CLSTN2: variants seen among roughly 807,000 people sequenced by gnomAD.
CLSTN2 encodes the protein calsyntenin 2, also known as calsyntenin-2.
In CLSTN2, 48 loss-of-function variants were observed where a neutral mutation model predicts 101.2. The observed-to-expected ratio is 0.47, with a 90% CI of 0.38 to 0.60. CLSTN2 has a LOEUF of 0.60. Among genes scored for constraint, CLSTN2 ranks in the 20% least tolerant of loss-of-function variants. CLSTN2 has a pLI of 0.00. For missense variants in CLSTN2, 1,160 were observed against 1,238.2 expected (o/e 0.94, Z 0.95); for synonymous variants, 481 against 463.6 (o/e 1.04, Z -0.48).
At chr3:140,525,196 G>A (rs77175669) in intron 8 of CLSTN2, among the ~76,000 whole-genome samples, 8,021 of 152,182 alleles carry the variant, frequency 0.053, 366 homozygotes, top group African/African-American at 0.12. Context: ...TTGATTGAGC[G>A]CTAGCTAGAT....
chr3:140,278,682 G>T (rs770117123), intron 2 of CLSTN2, among the ~76,000 whole-genome samples: 2 of 152,132 alleles, frequency 1.3e-5, no homozygotes, highest in African/African-American at 4.8e-5. Context: ...TGTGCAACTC[G>T]CACATCACAG....
intron 8 of CLSTN2, among the ~76,000 whole-genome samples, chr3:140,520,234 A>G (rs1482350357): frequency 6.6e-6 from 1 of 152,134 alleles, no homozygotes; most frequent in African/African-American, 2.4e-5. Flanking sequence ...TGCTGTTAAC[A>G]TTATTTTTCT....
intron 1 of CLSTN2, among the ~76,000 whole-genome samples, chr3:140,043,286 A>AT (rs1466550414): frequency 1.3e-5 from 2 of 151,974 alleles, no homozygotes; most frequent in Non-Finnish European, 2.9e-5. Flanking sequence ...GATGATGAGC[A>AT]TTTTTTCATG....
chr3:140,056,716 A>G (rs2008103973), intron 1 of CLSTN2, among the ~76,000 whole-genome samples: 1 of 152,234 alleles, frequency 6.6e-6, no homozygotes, highest in Non-Finnish European at 1.5e-5. Context: ...TGTGGACCTA[A>G]ACTCAACTAA....
intron 1 of CLSTN2, among the ~76,000 whole-genome samples, chr3:140,114,910 G>A (rs925594830): frequency 9.9e-5 from 15 of 152,018 alleles, no homozygotes; most frequent in African/African-American, 3.6e-4. Context: ...AGGAGCCATT[G>A]CTGGGACACT....
At chr3:140,298,276 GTTTA>G (rs1211087878) in intron 2 of CLSTN2, among the ~76,000 whole-genome samples, 1 of 151,998 alleles carries the variant, frequency 6.6e-6, no homozygotes, top group African/African-American at 2.4e-5. Flanking sequence ...GCCTAATATA[GTTTA>G]TTTATAAAAT....
intron 12 of CLSTN2, 55 bp from the exon 13 acceptor site, chr3:140,562,083 G>C: frequency 1.3e-6 from 2 of 1,524,212 alleles, no homozygotes; most frequent in Non-Finnish European, 1.8e-6. Flanking sequence ...ATTAGCAAGG[G>C]CTGTTTTCTG....
intron 8 of CLSTN2, among the ~76,000 whole-genome samples, chr3:140,521,048 ATTTTTTT>A (rs57840726): frequency 8.0e-6 from 1 of 125,492 alleles, no homozygotes; most frequent in African/African-American, 2.9e-5. Context: ...GCTTTTTTGC[ATTTTTTT>A]TTTTTTTTTT....
chr3:140,000,026 C>T (rs1053828951), intron 1 of CLSTN2, among the ~76,000 whole-genome samples: 8 of 145,460 alleles, frequency 5.5e-5, no homozygotes, highest in Non-Finnish European at 7.5e-5. Context: ...TCCCTCCCTC[C>T]GTCTTTTCCT....
chr3:140,512,584 C>T (rs1934836246), intron 8 of CLSTN2, among the ~76,000 whole-genome samples: 1 of 151,672 alleles, frequency 6.6e-6, no homozygotes, highest in Non-Finnish European at 1.5e-5. Flanking sequence ...CTTAGGATTA[C>T]CTTGGCTATT....
chr3:140,168,598 T>C (rs1281347554), intron 1 of CLSTN2, among the ~76,000 whole-genome samples: 1 of 152,116 alleles, frequency 6.6e-6, no homozygotes, highest in Non-Finnish European at 1.5e-5. Context: ...GATTTTCTGA[T>C]ATGCTTTATT....
Position 140,125,982 on chromosome 3 carries a change from G to A in CLSTN2, c.110-49969G>A, listed in dbSNP as rs148407590. Reference sequence around the variant, plus strand: ...TGGAGGGCCCTGGAGGGGTTCAAGGGATTGTCAGTGCATTTATACTAGAGT... The same window carrying A: ...TGGAGGGCCCTGGAGGGGTTCAAGGAATTGTCAGTGCATTTATACTAGAGT... On this transcript the variant is annotated intron_variant, in intron 1 of 16. Transcript: ENST00000458420. Among the ~76,000 whole-genome samples, 452 of 152,276 alleles carry A rather than the reference G, an allele frequency of 3.0e-3. 1 individual carries two copies. The highest frequency in any genetic ancestry group is 0.01 in the African/African-American group (421 of 41,548).
At chr3:140,068,987 G>A (rs1433849698) in intron 1 of CLSTN2, among the ~76,000 whole-genome samples, 1 of 152,120 alleles carries the variant, frequency 6.6e-6, no homozygotes, top group East Asian at 1.9e-4. Flanking sequence ...TTTTGGGGAG[G>A]AATTTTTTCC....
intron 1 of CLSTN2, among the ~76,000 whole-genome samples, chr3:139,969,015 A>C (rs1935649712): frequency 6.6e-6 from 1 of 151,966 alleles, no homozygotes; most frequent in African/African-American, 2.4e-5. Context: ...CAGAGTATTA[A>C]TAACATTATG....
At chr3:140,240,134 T>TTCTCCCTCTCTCTC (rs1553724847) in intron 2 of CLSTN2, among the ~76,000 whole-genome samples, 1 of 20,500 alleles carries the variant, frequency 4.9e-5, no homozygotes. Context: ...TGCACCTGGT[T>TTCTCCCTCTCTCTC]TCTCTCTCTC....
intron 5 of CLSTN2, among the ~76,000 whole-genome samples, chr3:140,434,266 A>C (rs2088665999): frequency 2.0e-5 from 3 of 152,174 alleles, no homozygotes. Flanking sequence ...TGGCCCCAGG[A>C]GCTCTGTTAA....
intron 1 of CLSTN2, among the ~76,000 whole-genome samples, chr3:140,110,189 A>G (rs2009130977): frequency 6.6e-6 from 1 of 152,242 alleles, no homozygotes; most frequent in Admixed American, 6.5e-5. Context: ...GGCACATATT[A>G]TTTAGATGAC....
At chr3:140,485,327 A>T (rs1166699707) in intron 8 of CLSTN2, among the ~76,000 whole-genome samples, 1 of 152,180 alleles carries the variant, frequency 6.6e-6, no homozygotes, top group Non-Finnish European at 1.5e-5. Context: ...GTTTTGTCTC[A>T]GAGGGGTACC....
At chr3:140,261,052 G>A (rs970319053) in intron 2 of CLSTN2, among the ~76,000 whole-genome samples, 5 of 152,104 alleles carry the variant, frequency 3.3e-5, no homozygotes, top group African/African-American at 1.2e-4. Flanking sequence ...GTCTGGCTCA[G>A]GAAGTGTTTG....
Sources: gnomAD v4.1 joint callset for allele counts (sites outside exome capture counted in the v4.1 genomes callset) on GRCh38, gnomAD v4.1.1 for gene constraint, MANE v1.5 for transcripts, NCBI Gene and HGNC (gene_info 2026-07-23, HGNC 2026-07-21) for gene names.